MSI2: variants seen among roughly 807,000 people sequenced by gnomAD.
The protein encoded by MSI2 is RNA-binding protein Musashi homolog 2.
MSI2 carries 17 observed loss-of-function variants against 45.6 expected under a neutral mutation model. The ratio of observed to expected loss-of-function variants is 0.37; its 90% CI spans 0.26 to 0.56. The LOEUF (loss-of-function observed/expected upper bound fraction) is 0.56, where lower values mean the gene tolerates loss of function less well. Among genes scored for constraint, MSI2 ranks in the 20% least tolerant of loss-of-function variants. The pLI is 0.77. For synonymous variants in MSI2, 156 were observed against 158.2 expected, an observed-to-expected ratio of 0.99 and a Z score of 0.11; for missense variants, 293 against 444.2, an observed-to-expected ratio of 0.66 and a Z score of 3.06.
intron 6 of MSI2, among the ~76,000 whole-genome samples, chr17:57,494,120 CT>C (rs1567857437): frequency 1.3e-5 from 2 of 152,144 alleles, no homozygotes; most frequent in African/African-American, 2.4e-5. Flanking sequence ...TATGATACCC[CT>C]TTTCACAGGT....
In MSI2 at chr17:57,627,678, C is replaced by T. The variant is rs1009077099; in HGVS notation, c.727+375C>T. 1 of 278,824 alleles carries T rather than the reference C, an allele frequency of 3.6e-6. No individual in the cohort carries two copies. 17.3% of individuals were successfully genotyped at this position (278,824 alleles called of 1,614,324 possible). ...CTACCACCCCTTGCCCGCCTCCCCG[C>T]TCCCTGTGTCCACCTGCCCAATGTT... is the stretch of plus-strand genomic sequence containing the variant. On this transcript the variant is annotated intron_variant, in intron 10 of 13. Transcript: ENST00000284073. This position sits in a 1 kb window ranked among gnomAD's most constrained non-coding sequence, Gnocchi z 4.6.
At chr17:57,609,161 A>C (rs1224832437) in intron 8 of MSI2, among the ~76,000 whole-genome samples, 1 of 152,136 alleles carries the variant, frequency 6.6e-6, no homozygotes, top group Non-Finnish European at 1.5e-5. Context: ...GGAGGTGAGG[A>C]TCTTCAGAGA....
At chr17:57,297,758 A>C (rs1911104370) in intron 5 of MSI2, among the ~76,000 whole-genome samples, 1 of 152,182 alleles carries the variant, frequency 6.6e-6, no homozygotes, top group Non-Finnish European at 1.5e-5. Flanking sequence ...CTTTTAGGTA[A>C]TATTATTAAT....
intron 1 of MSI2, 33 bp downstream of exon 1, chr17:57,256,837 T>C: frequency 7.0e-7 from 1 of 1,428,030 alleles, no homozygotes; most frequent in Non-Finnish European, 9.2e-7. Flanking sequence ...CCGCGCCGCC[T>C]TGGGCTCGCT....
intron 10 of MSI2, among the ~76,000 whole-genome samples, chr17:57,644,352 G>A (rs1271024616): frequency 6.6e-6 from 1 of 151,254 alleles, no homozygotes; most frequent in Non-Finnish European, 1.5e-5. Flanking sequence ...GAGTCCCTTG[G>A]TCCTCCCACT....
At chr17:57,354,000 G>A (rs758355561) in intron 5 of MSI2, among the ~76,000 whole-genome samples, 7 of 152,146 alleles carry the variant, frequency 4.6e-5, no homozygotes, top group Non-Finnish European at 8.8e-5. Flanking sequence ...AATTTTTACT[G>A]ATGAAATTCA....
chr17:57,605,569 G>A (rs1480491119), intron 8 of MSI2, among the ~76,000 whole-genome samples: 1 of 152,150 alleles, frequency 6.6e-6, no homozygotes. Flanking sequence ...ACTAGGAGGG[G>A]CTGCCCCCCC....
At chr17:57,339,938 T>A (rs1029044415) in intron 5 of MSI2, among the ~76,000 whole-genome samples, 1 of 152,138 alleles carries the variant, frequency 6.6e-6, no homozygotes, top group Non-Finnish European at 1.5e-5. Context: ...CCTCAGAAGC[T>A]CATCAGTGAC....
At chr17:57,699,301 G>A in the MSI2 span, among the ~76,000 whole-genome samples, 3 of 149,998 alleles carry the variant, frequency 2.0e-5, no homozygotes, top group African/African-American at 7.3e-5. Flanking sequence ...GAGTGTGTAA[G>A]CTCAGCCATC....
intron 9 of MSI2, among the ~76,000 whole-genome samples, chr17:57,617,053 C>T (rs1907783891): frequency 6.6e-6 from 1 of 152,210 alleles, no homozygotes; most frequent in African/African-American, 2.4e-5. Flanking sequence ...AGATTTGCTG[C>T]TGTTTAAATC....
At chr17:57,444,225 C>T (rs914353888) in intron 6 of MSI2, among the ~76,000 whole-genome samples, 12 of 152,186 alleles carry the variant, frequency 7.9e-5, no homozygotes, top group Admixed American at 4.6e-4. Flanking sequence ...GCTCACACAG[C>T]GTCTACAGTG....
At chr17:57,483,189 A>G (rs1356435804) in intron 6 of MSI2, among the ~76,000 whole-genome samples, 1 of 152,166 alleles carries the variant, frequency 6.6e-6, no homozygotes, top group Non-Finnish European at 1.5e-5. Context: ...TAGTTAGGGG[A>G]TAGAAACCAT....
At chr17:57,343,845 A>G (rs971235648) in intron 5 of MSI2, among the ~76,000 whole-genome samples, 1 of 152,158 alleles carries the variant, frequency 6.6e-6, no homozygotes, top group South Asian at 2.1e-4. Flanking sequence ...CCTTTTCCCA[A>G]TAGAACATTC....
At chr17:57,315,550 C>T (rs1244468436) in intron 5 of MSI2, among the ~76,000 whole-genome samples, 5 of 152,122 alleles carry the variant, frequency 3.3e-5, no homozygotes, top group Non-Finnish European at 7.3e-5. Context: ...TTCTTGAAGG[C>T]TGGGCCCACT....
chr17:57,651,115 C>T (rs1003631710), intron 10 of MSI2, among the ~76,000 whole-genome samples: 1 of 152,174 alleles, frequency 6.6e-6, no homozygotes, highest in South Asian at 2.1e-4. Flanking sequence ...CGAGGCTGTG[C>T]GTGCACGTGC....
intron 5 of MSI2, among the ~76,000 whole-genome samples, chr17:57,330,918 TTGTGTG>T (rs1567761134): frequency 4.0e-5 from 6 of 151,232 alleles, no homozygotes; most frequent in East Asian, 3.9e-4. Flanking sequence ...TTCTTTTTTT[TTGTGTG>T]TGTGACGGAG....
the MSI2 span, among the ~76,000 whole-genome samples, chr17:57,699,269 G>A: frequency 7.0e-6 from 1 of 142,442 alleles, no homozygotes. Flanking sequence ...TAATGAGGAA[G>A]AGCCAGGGAG....
intron 10 of MSI2, among the ~76,000 whole-genome samples, chr17:57,639,136 G>T (rs1040904626): frequency 6.6e-6 from 1 of 152,086 alleles, no homozygotes; most frequent in Non-Finnish European, 1.5e-5. Context: ...ACCTTCCAAA[G>T]GCCCCACCTC....
chr17:57,613,738 G>T lies in MSI2; in HGVS notation c.538-2232G>T, dbSNP rs1332082978. 2.6e-5 allele frequency among the ~76,000 whole-genome samples: 4 copies of T among 152,270 alleles called. No homozygotes were observed. The South Asian group carries it at 6.2e-4, about 24-fold the overall frequency. On this transcript the variant is annotated intron_variant, in intron 8 of 13. Coordinates refer to ENST00000284073, the MANE Select transcript of MSI2 (RefSeq NM_138962.4). ...GTTCTTTATTAGCCGTCTGTGAATT[G>T]TCTACTCCTGTCTTTTACCCATGTC...
Sources: allele counts gnomAD v4.1 joint callset (sites outside exome capture counted in the v4.1 genomes callset), GRCh38; gene constraint gnomAD v4.1.1; non-coding constraint Gnocchi (gnomAD v3.1); transcripts MANE v1.5; gene names NCBI Gene and HGNC (gene_info 2026-07-23, HGNC 2026-07-21).